LBH: variants seen among roughly 807,000 people sequenced by gnomAD.
LBH encodes the protein LBH regulator of Wnt signaling pathway.
A neutral mutation model predicts 12.5 loss-of-function variants in LBH; 7 were observed. That is an observed-to-expected ratio of 0.56 (90% CI 0.32 to 1.05). LBH has a LOEUF of 1.05. Ranked by LOEUF, LBH falls within the 50% of genes least tolerant of loss-of-function variation. The pLI is 0.04. For synonymous variants in LBH, 51 were observed against 50.1 expected (o/e 1.02, Z -0.08); for missense variants, 119 against 138.9 (o/e 0.86, Z 0.72).
chr2:30,248,152 T>G (rs760120569), intron 2 of LBH, among the ~76,000 whole-genome samples: 16 of 152,224 alleles, frequency 1.1e-4, no homozygotes, highest in Non-Finnish European at 1.9e-4. Context: ...AATATAGCCC[T>G]ATTTGCTTCA....
At chr2:30,248,204 C>T (rs1377301631) in intron 2 of LBH, among the ~76,000 whole-genome samples, 1 of 152,188 alleles carries the variant, frequency 6.6e-6, no homozygotes, top group Non-Finnish European at 1.5e-5. Context: ...ACTAAAATCT[C>T]CAAGCTTCTT....
intron 2 of LBH, 38 bp downstream of exon 2, chr2:30,234,545 C>T: frequency 1.3e-6 from 2 of 1,509,826 alleles, no homozygotes; most frequent in Non-Finnish European, 1.8e-6. Flanking sequence ...TCTCTAGAGC[C>T]TAGTGGTTTT....
chr2:30,244,366 T>C (rs1677840138), intron 2 of LBH, among the ~76,000 whole-genome samples: 1 of 152,160 alleles, frequency 6.6e-6, no homozygotes, highest in Non-Finnish European at 1.5e-5. Flanking sequence ...TTTAACAAAA[T>C]GTTAAAATGG....
rs1678117128 is a variant in LBH, at chr2:30,257,984, G to A, written c.*363G>A. 1.1e-5 allele frequency: 2 copies of A among 177,080 alleles called. No individual in the cohort carries two copies. The highest frequency in any genetic ancestry group is 2.4e-5 in the Non-Finnish European group (2 of 83,768). 11.0% of individuals were successfully genotyped at this position (177,080 alleles called of 1,614,324 possible). On this transcript the variant is annotated 3_prime_UTR_variant, in exon 3 of 3. Transcript: ENST00000395323. ...TCCAATGGGTCTTGGTGGGTGGGAG[G>A]TGGGGCATGTGCAAAGCAAGCAAGG...
At chr2:30,255,370 G>C (rs1388539512) in intron 2 of LBH, among the ~76,000 whole-genome samples, 1 of 147,544 alleles carries the variant, frequency 6.8e-6, no homozygotes, top group Non-Finnish European at 1.5e-5. Context: ...TGGTCAGGAA[G>C]ACAGAGCCCA....
chr2:30,243,344 A>G (rs990301240), intron 2 of LBH, among the ~76,000 whole-genome samples: 1 of 152,102 alleles, frequency 6.6e-6, no homozygotes, highest in Admixed American at 6.6e-5. Flanking sequence ...AATGACATTG[A>G]GCATTGTGTA....
In LBH at chr2:30,257,306, C is replaced by T. The variant is rs1444247191; in HGVS notation, c.130-127C>T. The T allele has an allele frequency of 3.0e-6, 3 of 987,776 alleles. No homozygotes were observed. In the South Asian group the frequency reaches 4.4e-5, roughly 15 times the overall value. 61.2% of individuals were successfully genotyped at this position (987,776 alleles called of 1,614,324 possible). ...CCACCTTATATACTCCACAGCCTCC[C>T]GAGTGCAAAGCACAGTCCCTGGCCT... On this transcript the variant is annotated intron_variant, in intron 2 of 2. Transcript: ENST00000395323.
intron 2 of LBH, among the ~76,000 whole-genome samples, chr2:30,248,734 C>T (rs1165709957): frequency 3.9e-5 from 6 of 152,202 alleles, no homozygotes; most frequent in Non-Finnish European, 8.8e-5. Context: ...AGTTCTCTAA[C>T]ATTCCAAAAG....
At chr2:30,238,439 G>A (rs13418110) in intron 2 of LBH, among the ~76,000 whole-genome samples, 1,630 of 152,262 alleles carry the variant, frequency 0.011, 31 homozygotes, top group African/African-American at 0.037. Flanking sequence ...GCTGCCCCTT[G>A]TATTCTTTCT....
Position 30,257,658 on chromosome 2 carries a change from A to C in LBH, c.*37A>C, listed in dbSNP as rs745735769. 1 of 1,473,368 alleles carries C rather than the reference A, an allele frequency of 6.8e-7. No individual in the cohort carries two copies. The highest frequency in any genetic ancestry group is 1.4e-5 in the African/African-American group (1 of 71,118). 91.3% of individuals were successfully genotyped at this position (1,473,368 alleles called of 1,614,324 possible). Reference sequence around the variant, plus strand: ...ACTCCCATGGGTCATACCAGCCAGCATCTGTTCCTGAACTGTGTTTTTCCC... The same window carrying C: ...ACTCCCATGGGTCATACCAGCCAGCCTCTGTTCCTGAACTGTGTTTTTCCC... On this transcript the variant is annotated 3_prime_UTR_variant, in exon 3 of 3. Coordinates refer to ENST00000395323, the MANE Select transcript of LBH (RefSeq NM_030915.4).
At chr2:30,231,801 C>T (rs1216899176) in intron 1 of LBH, 37 bp downstream of exon 1, 1 of 1,540,306 alleles carries the variant, frequency 6.5e-7, no homozygotes, top group Non-Finnish European at 8.7e-7. Flanking sequence ...GTCTGTCTCG[C>T]GGCGGTGGCT....
At chr2:30,232,088 A>T (rs1276550077) in intron 1 of LBH, 1 of 1,533,308 alleles carries the variant, frequency 6.5e-7, no homozygotes, top group Non-Finnish European at 8.8e-7. Context: ...GGAGAGCTGC[A>T]GGAGGCGCGC....
chr2:30,242,633 T>C (rs1342875121), intron 2 of LBH, among the ~76,000 whole-genome samples: 2 of 152,240 alleles, frequency 1.3e-5, no homozygotes, highest in African/African-American at 4.8e-5. Flanking sequence ...TGAAACATTT[T>C]GGTATGTTTA....
At chr2:30,257,356 T>A in intron 2 of LBH, 77 bp from the exon 3 acceptor site, 1 of 1,513,852 alleles carries the variant, frequency 6.6e-7, no homozygotes, top group South Asian at 1.1e-5. Flanking sequence ...GTATGCCACA[T>A]GGATGTGCAA....
At chr2:30,240,845 A>G (rs181983378) in intron 2 of LBH, among the ~76,000 whole-genome samples, 4 of 152,332 alleles carry the variant, frequency 2.6e-5, no homozygotes, top group Admixed American at 2.0e-4. Flanking sequence ...GCTGAAACTC[A>G]TACACTTCTT....
chr2:30,249,090 G>C (rs1251671017), intron 2 of LBH, among the ~76,000 whole-genome samples: 1 of 143,018 alleles, frequency 7.0e-6, no homozygotes, highest in Non-Finnish European at 1.5e-5. Context: ...GACAGTCTCT[G>C]AGTAGAGACT....
At chr2:30,232,217 AGGG>A in intron 1 of LBH, 1 of 817,086 alleles carries the variant, frequency 1.2e-6, no homozygotes, top group Non-Finnish European at 1.7e-6. Flanking sequence ...GTGCGGCCGC[AGGG>A]TTTGCAGAGC....
chr2:30,240,108 G>T (rs1044982251), intron 2 of LBH, among the ~76,000 whole-genome samples: 2 of 152,242 alleles, frequency 1.3e-5, no homozygotes, highest in Admixed American at 6.5e-5. Flanking sequence ...CAGGGGCTGT[G>T]TCTTAGGCTG....
intron 1 of LBH, chr2:30,232,248 CGGGAA>C: frequency 7.2e-7 from 1 of 1,396,750 alleles, no homozygotes; most frequent in Non-Finnish European, 9.4e-7. Context: ...GGGTGGGGGG[CGGGAA>C]ACGCTCTCCC....
Sources: allele counts gnomAD v4.1 joint callset (sites outside exome capture counted in the v4.1 genomes callset), GRCh38; gene constraint gnomAD v4.1.1; transcripts MANE v1.5; gene names NCBI Gene and HGNC (gene_info 2026-07-23, HGNC 2026-07-21).